Variants in COL25A1 observed in about 807,000 individuals in gnomAD.
COL25A1 encodes the protein collagen type XXV alpha 1 chain.
A neutral mutation model predicts 128.4 loss-of-function variants in COL25A1; 103 were observed. That is an observed-to-expected ratio of 0.80 (90% CI 0.68 to 0.94). The LOEUF is 0.94. COL25A1 is among the 40% of genes least tolerant of loss of function. The pLI, the probability that COL25A1 is intolerant of heterozygous loss-of-function variation, is 0.00. For synonymous variants in COL25A1, 279 were observed against 277.2 expected, an observed-to-expected ratio of 1.01 and a Z score of -0.06; for missense variants, 745 against 840.0, an observed-to-expected ratio of 0.89 and a Z score of 1.40.
chr4:109,058,489 C>T (rs1256792895), intron 3 of COL25A1, among the ~76,000 whole-genome samples: 1 of 152,010 alleles, frequency 6.6e-6, no homozygotes, highest in Non-Finnish European at 1.5e-5. Flanking sequence ...TCTAATGGAA[C>T]TGAGAGTGGT....
chr4:109,211,118 C>G (rs553222387), intron 3 of COL25A1, among the ~76,000 whole-genome samples: 1 of 151,252 alleles, frequency 6.6e-6, no homozygotes, highest in African/African-American at 2.4e-5. Flanking sequence ...CACCAAATCC[C>G]CTGTGACACA....
rs551594441 is a variant in COL25A1, at chr4:108,855,422, A to G, written c.1321-2497T>C. On this transcript the variant is annotated intron_variant, in intron 24 of 37. Coordinates refer to ENST00000399132, the MANE Select transcript of COL25A1 (RefSeq NM_198721.4). ...ACAGTGTAGAGAAGTCATTTAAACAAGGCTATCAGAAAATTAAGGAGTAGA... is the reference window on the plus strand; with the variant it reads ...ACAGTGTAGAGAAGTCATTTAAACAGGGCTATCAGAAAATTAAGGAGTAGA... Among the ~76,000 whole-genome samples, 5 of 152,098 alleles carry G rather than the reference A, an allele frequency of 3.3e-5. No individual in the cohort carries two copies. In the East Asian group the frequency reaches 9.7e-4, roughly 29 times the overall value.
chr4:108,938,290 A>G (rs1372164315), intron 10 of COL25A1, among the ~76,000 whole-genome samples: 1 of 152,204 alleles, frequency 6.6e-6, no homozygotes, highest in Non-Finnish European at 1.5e-5. Context: ...TTATATTCAG[A>G]TTGATATAGA....
chr4:109,044,221 T>C (rs1471204446), intron 5 of COL25A1, among the ~76,000 whole-genome samples: 2 of 152,054 alleles, frequency 1.3e-5, no homozygotes, highest in African/African-American at 2.4e-5. Context: ...TCAAGTTGTA[T>C]TTCAAGTTTA....
At chr4:108,915,212 A>T (rs1744728128) in intron 13 of COL25A1, among the ~76,000 whole-genome samples, 1 of 152,238 alleles carries the variant, frequency 6.6e-6, no homozygotes, top group Admixed American at 6.5e-5. Context: ...ATTAGCAATC[A>T]AGGTGATCAA....
At chr4:109,048,823 T>C (rs1301410280) in intron 4 of COL25A1, among the ~76,000 whole-genome samples, 1 of 152,158 alleles carries the variant, frequency 6.6e-6, no homozygotes, top group Non-Finnish European at 1.5e-5. Flanking sequence ...TTTCACTTTT[T>C]CCCCAAAATC....
chr4:109,209,051 T>C (rs548988854), intron 3 of COL25A1, among the ~76,000 whole-genome samples: 1 of 152,334 alleles, frequency 6.6e-6, no homozygotes, highest in South Asian at 2.1e-4. Flanking sequence ...AAGAATGTTA[T>C]GTAGGGGCAT....
intron 3 of COL25A1, among the ~76,000 whole-genome samples, chr4:109,161,892 A>C (rs1207562818): frequency 2.0e-5 from 3 of 152,176 alleles, no homozygotes; most frequent in Non-Finnish European, 4.4e-5. Context: ...AACTAGAGTA[A>C]GGTATGAAGA....
chr4:109,300,535 A>C (rs756983670), intron 3 of COL25A1, 48 bp downstream of exon 3: 1 of 1,317,658 alleles, frequency 7.6e-7, no homozygotes, highest in Non-Finnish European at 1.1e-6. Flanking sequence ...CCTTTGTTTT[A>C]AAATGCTCTG....
At chr4:109,206,931 G>C (rs1309170586) in intron 3 of COL25A1, among the ~76,000 whole-genome samples, 1 of 152,160 alleles carries the variant, frequency 6.6e-6, no homozygotes, top group East Asian at 1.9e-4. Context: ...TCAACCAAAT[G>C]AACGTCTTTT....
chr4:109,265,983 CT>C (rs1781764914), intron 3 of COL25A1, among the ~76,000 whole-genome samples: 1 of 151,944 alleles, frequency 6.6e-6, no homozygotes, highest in Admixed American at 6.6e-5. Flanking sequence ...ACTTTTCTTC[CT>C]GCTACCAATA....
At chr4:108,978,134 C>G (rs1752615266) in intron 6 of COL25A1, among the ~76,000 whole-genome samples, 1 of 152,234 alleles carries the variant, frequency 6.6e-6, no homozygotes, top group South Asian at 2.1e-4. Context: ...GCTTAATTTG[C>G]ATCTACAATT....
Position 109,301,950 on chromosome 4 carries a change from C to G in COL25A1, c.70G>C (p.Glu24Gln). ...EPRSEDPTPA[E>Q]QHCARTMPPC... The stretch of plus-strand genomic sequence containing the variant: ...GGCATGGTCCGGGCACAATGCTGTT[C>G]GGCAGGGGTCGGGTCCTCGGATCTG... The change falls in exon 2 of 38, where the codon GAA (glutamate) becomes CAA (glutamine). Residue 24 changes from glutamate (E) to glutamine (Q), a missense_variant. Around this residue, in one of 3 missense-constraint regions of COL25A1, gnomAD observed 319 missense variants for 324.9 expected, o/e 0.98. Transcript: ENST00000399132. 1 of 1,612,922 alleles carries G rather than the reference C, an allele frequency of 6.2e-7. No individual in the cohort carries two copies. Among genetic ancestry groups the G allele is most frequent in the Non-Finnish European group, 8.5e-7 (1 of 1,179,774 alleles).
chr4:108,920,633 T>C, intron 11 of COL25A1, 29 bp from the exon 12 acceptor site: 1 of 1,584,096 alleles, frequency 6.3e-7, no homozygotes. Context: ...TCAATTAACA[T>C]ACTATTGTAG....
At chr4:109,128,610 G>A (rs1768864481) in intron 3 of COL25A1, among the ~76,000 whole-genome samples, 1 of 152,156 alleles carries the variant, frequency 6.6e-6, no homozygotes, top group African/African-American at 2.4e-5. Context: ...GAGCTGCCCA[G>A]ACTGTCCTTG....
intron 8 of COL25A1, among the ~76,000 whole-genome samples, chr4:108,973,593 A>G (rs1752128022): frequency 6.6e-6 from 1 of 152,228 alleles, no homozygotes; most frequent in African/African-American, 2.4e-5. Flanking sequence ...TTTCCACTGT[A>G]AAAAATTACT....
intron 3 of COL25A1, among the ~76,000 whole-genome samples, chr4:109,218,365 T>TTTGTTTGTTTG (rs996834731): frequency 7.8e-6 from 1 of 128,632 alleles, no homozygotes; most frequent in Non-Finnish European, 1.6e-5. Flanking sequence ...GGGTTTTTTT[T>TTTGTTTGTTTG]TTTTTTTTTT....
At chr4:108,927,496 T>TG (rs1349601517) in intron 11 of COL25A1, among the ~76,000 whole-genome samples, 5 of 16,032 alleles carry the variant, frequency 3.1e-4, no homozygotes, top group Non-Finnish European at 1.1e-3. Context: ...GAGTTCCCAG[T>TG]TTGAGGCAGT....
chr4:109,217,060 C>G (rs1038412625), intron 3 of COL25A1, among the ~76,000 whole-genome samples: 1 of 152,066 alleles, frequency 6.6e-6, no homozygotes. Context: ...TACTTAATCT[C>G]TCTTTTCTTA....
Sources: gnomAD v4.1 joint callset for allele counts (sites outside exome capture counted in the v4.1 genomes callset) on GRCh38, gnomAD v4.1.1 for gene constraint, gnomAD v4.1.1 regional missense constraint, MANE v1.5 for transcripts, NCBI Gene and HGNC (gene_info 2026-07-23, HGNC 2026-07-21) for gene names.